The following PTPRD variants were observed in gnomAD, a reference collection of about 807,000 sequenced individuals.
PTPRD encodes protein tyrosine phosphatase receptor type D, also known as receptor-type tyrosine-protein phosphatase delta.
PTPRD carries 34 observed loss-of-function variants against 214.5 expected under a neutral mutation model. The ratio of observed to expected loss-of-function variants is 0.16; its 90% CI spans 0.12 to 0.21. The LOEUF (loss-of-function observed/expected upper bound fraction) is 0.21, where lower values mean the gene tolerates loss of function less well. Among genes scored for constraint, PTPRD ranks in the 10% least tolerant of loss-of-function variants. The probability of loss-of-function intolerance (pLI) is 1.00; values close to 1 mark genes in which losing one functional copy is unlikely to be tolerated. For missense variants in PTPRD, 2,545 were observed against 2,398.7 expected, an observed-to-expected ratio of 1.06 and a Z score of -1.27; for synonymous variants, 1,128 against 845.7, an observed-to-expected ratio of 1.33 and a Z score of -5.79.
intron 33 of PTPRD, among the ~76,000 whole-genome samples, chr9:8,450,253 T>C (rs2095882493): frequency 6.6e-6 from 1 of 152,190 alleles, no homozygotes. Context: ...GACCTTAAGC[T>C]GAACAGCTAA....
At chr9:8,614,859 A>C (rs1324766175) in intron 14 of PTPRD, among the ~76,000 whole-genome samples, 1 of 152,132 alleles carries the variant, frequency 6.6e-6, no homozygotes, top group African/African-American at 2.4e-5. Flanking sequence ...CACAAAAAGT[A>C]ATCTACATAT....
intron 9 of PTPRD, among the ~76,000 whole-genome samples, chr9:9,360,176 T>C (rs2055504117): frequency 6.6e-6 from 1 of 151,146 alleles, no homozygotes; most frequent in Non-Finnish European, 1.5e-5. Flanking sequence ...ATCTGACAGT[T>C]GTTTGATATT....
At chr9:9,863,352 T>TA (rs1565852596) in intron 5 of PTPRD, among the ~76,000 whole-genome samples, 1 of 152,202 alleles carries the variant, frequency 6.6e-6, no homozygotes, top group Non-Finnish European at 1.5e-5. Context: ...CTAAGTTTTC[T>TA]AGCTCGACAC....
intron 39 of PTPRD, among the ~76,000 whole-genome samples, chr9:8,352,821 T>A (rs931887286): frequency 6.6e-6 from 1 of 152,164 alleles, no homozygotes; most frequent in Admixed American, 6.5e-5. Flanking sequence ...TTTTAAAAAA[T>A]GCTATTATTG....
intron 2 of PTPRD, among the ~76,000 whole-genome samples, chr9:10,571,695 T>G (rs1159560817): frequency 6.6e-6 from 1 of 152,178 alleles, no homozygotes; most frequent in African/African-American, 2.4e-5. Context: ...ACCACTTTCA[T>G]GGAAGACAGT....
chr9:10,343,629 C>G (rs1463494212), intron 2 of PTPRD, among the ~76,000 whole-genome samples: 1 of 152,154 alleles, frequency 6.6e-6, no homozygotes, highest in Non-Finnish European at 1.5e-5. Flanking sequence ...CACAACATCT[C>G]CAGCATCTGT....
chr9:9,548,425 T>TTTA (rs2079358131), intron 8 of PTPRD, among the ~76,000 whole-genome samples: 2 of 148,402 alleles, frequency 1.3e-5, no homozygotes, highest in Non-Finnish European at 3.0e-5. Flanking sequence ...TTTTTTTTTT[T>TTTA]AAGACGGAGT....
chr9:9,700,082 C>T (rs1323985976), intron 7 of PTPRD, among the ~76,000 whole-genome samples: 2 of 152,120 alleles, frequency 1.3e-5, no homozygotes, highest in East Asian at 1.9e-4. Flanking sequence ...GTTGCATTTT[C>T]ACCTAGCATA....
At chr9:10,181,269 A>C (rs865886219) in intron 3 of PTPRD, among the ~76,000 whole-genome samples, 4 of 152,244 alleles carry the variant, frequency 2.6e-5, no homozygotes, top group Middle Eastern at 3.4e-3. Flanking sequence ...ATTTGCAATA[A>C]AAAGAGAAAC....
intron 3 of PTPRD, among the ~76,000 whole-genome samples, chr9:10,237,753 A>G (rs1459073313): frequency 6.6e-6 from 1 of 151,940 alleles, no homozygotes; most frequent in Admixed American, 6.6e-5. Context: ...TAGTGAAGAG[A>G]AATAACACTG....
At chr9:8,400,929 G>C (rs1218801599) in intron 36 of PTPRD, among the ~76,000 whole-genome samples, 1 of 152,110 alleles carries the variant, frequency 6.6e-6, no homozygotes, top group African/African-American at 2.4e-5. Context: ...TAAGAAAACT[G>C]ATATTCAGAG....
intron 10 of PTPRD, among the ~76,000 whole-genome samples, chr9:9,173,113 G>A (rs903525054): frequency 2.6e-5 from 4 of 152,018 alleles, no homozygotes. Flanking sequence ...CTTTAGGTAA[G>A]CTCCCTCCTT....
chr9:10,338,258 T>G lies in PTPRD; in HGVS notation c.-545+2705A>C, dbSNP rs1018162785. Among the ~76,000 whole-genome samples, 5 of 151,770 alleles carry G rather than the reference T, an allele frequency of 3.3e-5. No homozygotes were observed. In the East Asian group the frequency reaches 9.8e-4, roughly 30 times the overall value. On this transcript the variant is annotated intron_variant, in intron 3 of 45. Transcript: ENST00000381196. ...ATGTATAGTAAGTGCTATAGCTCAG[T>G]GCCTGCACAGCCTCACCTTTTCTGC... is the stretch of plus-strand genomic sequence containing the variant.
chr9:9,294,461 G>C (rs900031290), intron 9 of PTPRD, among the ~76,000 whole-genome samples: 6 of 151,674 alleles, frequency 4.0e-5, no homozygotes, highest in Admixed American at 1.3e-4. Context: ...TTGAACCTCT[G>C]ACACCCTGTA....
chr9:9,334,588 T>C (rs921798410), intron 9 of PTPRD, among the ~76,000 whole-genome samples: 1 of 152,012 alleles, frequency 6.6e-6, no homozygotes, highest in Non-Finnish European at 1.5e-5. Context: ...TTGTGGGGTT[T>C]GGATATGTCT....
intron 35 of PTPRD, among the ~76,000 whole-genome samples, chr9:8,410,338 G>GTGT (rs1000259829): frequency 6.6e-6 from 1 of 152,182 alleles, no homozygotes; most frequent in Non-Finnish European, 1.5e-5. Context: ...AGAGAACAGG[G>GTGT]TGTTAGCTTT....
intron 9 of PTPRD, among the ~76,000 whole-genome samples, chr9:9,201,862 C>T (rs926222565): frequency 6.6e-6 from 1 of 152,132 alleles, no homozygotes; most frequent in Admixed American, 6.5e-5. Flanking sequence ...TGCAGAAAGC[C>T]TACAACTGGA....
chr9:8,513,342 C>G (rs895485554), intron 21 of PTPRD, among the ~76,000 whole-genome samples: 5 of 152,016 alleles, frequency 3.3e-5, no homozygotes, highest in African/African-American at 1.2e-4. Context: ...CAATCCTTCA[C>G]TTATGTCCAT....
intron 8 of PTPRD, among the ~76,000 whole-genome samples, chr9:9,409,950 G>T (rs548943633): frequency 3.9e-4 from 60 of 152,258 alleles, no homozygotes; most frequent in African/African-American, 1.3e-3. Context: ...AATGAAATGT[G>T]TAATATGTTG....
Sources: gnomAD v4.1 joint callset for allele counts (sites outside exome capture counted in the v4.1 genomes callset) on GRCh38, gnomAD v4.1.1 for gene constraint, MANE v1.5 for transcripts, NCBI Gene and HGNC (gene_info 2026-07-23, HGNC 2026-07-21) for gene names.